ACER1: variants seen among roughly 807,000 people sequenced by gnomAD.
ACER1 encodes the protein CTB-180A7.3.
Under a neutral mutation model 24.9 loss-of-function variants are expected in ACER1, and 28 were observed. The ratio of observed to expected loss-of-function variants is 1.13; its 90% CI spans 0.83 to 1.54. The LOEUF is 1.54. Ranked by LOEUF, ACER1 falls within the 40% of genes most tolerant of loss-of-function variation. The pLI is 0.00. For missense variants in ACER1, 352 were observed against 349.3 expected (o/e 1.01, Z -0.06); for synonymous variants, 132 against 131.4 (o/e 1.00, Z -0.03).
the ACER1 span, among the ~76,000 whole-genome samples, chr19:6,342,258 C>CTTT: frequency 2.7e-5 from 3 of 112,118 alleles, no homozygotes; most frequent in African/African-American, 3.3e-5. Context: ...TATCCTAGTT[C>CTTT]TTTTTTTTTT....
chr19:6,309,736 GCAATGC>G lies in ACER1; in HGVS notation c.443_448del (p.Ser148_Ala150delinsThr), dbSNP rs752453846. On this transcript the variant is annotated inframe_deletion, in exon 4 of 6. Coordinates refer to ENST00000301452, the MANE Select transcript of ACER1 (RefSeq NM_133492.3). ...GCACACGATGTAGAGAATGTGCAGG[GCAATGC>G]TGTTGAGGGCGTAGGCGTTGACCGT... 4.3e-6 allele frequency: 7 copies of G among 1,614,102 alleles called. No individual in the cohort carries two copies. The Admixed American group carries it at 1.2e-4, about 27-fold the overall frequency.
intron 3 of ACER1, among the ~76,000 whole-genome samples, chr19:6,311,370 C>T (rs867004671): frequency 3.3e-5 from 5 of 151,636 alleles, no homozygotes; most frequent in Admixed American, 2.0e-4. Context: ...ATGGTGAAAC[C>T]GTCTCTACTA....
At chr19:6,333,318 C>G in intron 1 of ACER1, 141 bp downstream of exon 1, 1 of 599,122 alleles carries the variant, frequency 1.7e-6, no homozygotes, top group East Asian at 3.2e-5. Context: ...TGAAAGCTGG[C>G]ACTCTTTGGC....
chr19:6,347,834 A>G, the ACER1 span, among the ~76,000 whole-genome samples: 1 of 151,748 alleles, frequency 6.6e-6, no homozygotes, highest in African/African-American at 2.4e-5. Flanking sequence ...AAATCTAAAC[A>G]ACAACAACAA....
the ACER1 span, among the ~76,000 whole-genome samples, chr19:6,339,003 G>T: frequency 2.5e-4 from 38 of 151,622 alleles, no homozygotes; most frequent in Middle Eastern, 6.8e-3. Flanking sequence ...TCAGCCTCCC[G>T]ATAGCTGGGA....
the ACER1 span, among the ~76,000 whole-genome samples, chr19:6,349,043 G>A: frequency 2.6e-5 from 4 of 151,192 alleles, no homozygotes; most frequent in Admixed American, 6.6e-5. Context: ...GCAACAGAGC[G>A]AGACTCCATC....
At chr19:6,328,863 TG>T (rs983499850) in intron 1 of ACER1, among the ~76,000 whole-genome samples, 5 of 151,244 alleles carry the variant, frequency 3.3e-5, no homozygotes, top group Non-Finnish European at 7.4e-5. Flanking sequence ...TTGATAGAGA[TG>T]GGGTTTCATC....
In ACER1 at chr19:6,333,582, C is replaced by T. The variant is rs370951822; in HGVS notation, c.-31G>A. The T allele has an allele frequency of 9.1e-6, 14 of 1,542,958 alleles. No homozygotes were observed. The highest frequency in any genetic ancestry group is 1.4e-5 in the African/African-American group (1 of 73,194). ...CTCAGTGGCCACCACCAGCCGGCTG[C>T]GCCCGGCAGAGAGAAGGCGAGCTTG... On this transcript the variant is annotated 5_prime_UTR_variant, in exon 1 of 6. Transcript: ENST00000301452.
chr19:6,318,593 C>T (rs2091614809), intron 1 of ACER1, among the ~76,000 whole-genome samples: 1 of 140,106 alleles, frequency 7.1e-6, no homozygotes, highest in South Asian at 2.3e-4. Context: ...CTGGCTAACA[C>T]AGTGAAACAC....
chr19:6,331,182 G>A (rs1401201828), intron 1 of ACER1, among the ~76,000 whole-genome samples: 3 of 141,714 alleles, frequency 2.1e-5, no homozygotes, highest in Non-Finnish European at 3.0e-5. Context: ...ATGAGGTCTC[G>A]CTCTGTCACC....
At chr19:6,341,592 G>T in the ACER1 span, among the ~76,000 whole-genome samples, 3 of 149,046 alleles carry the variant, frequency 2.0e-5, no homozygotes, top group African/African-American at 7.5e-5. Flanking sequence ...TTAGCATTGG[G>T]CTTTTTTTTG....
At chr19:6,317,307 T>G (rs2145004464) in intron 1 of ACER1, among the ~76,000 whole-genome samples, 1 of 152,248 alleles carries the variant, frequency 6.6e-6, no homozygotes, top group South Asian at 2.1e-4. Flanking sequence ...CAAACTGAAC[T>G]AAGACAGGTG....
the ACER1 span, among the ~76,000 whole-genome samples, chr19:6,353,851 TAATAAAATAA>T: frequency 6.7e-6 from 1 of 150,194 alleles, no homozygotes; most frequent in Non-Finnish European, 1.5e-5. Context: ...TACAATAAAA[TAATAAAATAA>T]AATAAAATAA....
At chr19:6,312,727 G>A (rs998212881) in intron 1 of ACER1, among the ~76,000 whole-genome samples, 17 of 149,900 alleles carry the variant, frequency 1.1e-4, no homozygotes, top group Admixed American at 5.4e-4. Flanking sequence ...TCAGGCTGGA[G>A]CGCAGTGGTG....
chr19:6,317,423 T>C (rs1439068786), intron 1 of ACER1, among the ~76,000 whole-genome samples: 2 of 152,236 alleles, frequency 1.3e-5, no homozygotes, highest in Non-Finnish European at 2.9e-5. Context: ...CAAGGACAGA[T>C]GGGACAGGGG....
intron 5 of ACER1, 54 bp downstream of exon 5, chr19:6,307,099 G>A: frequency 2.5e-6 from 4 of 1,604,226 alleles, no homozygotes; most frequent in East Asian, 2.2e-5. Context: ...CCGAGCTTTG[G>A]CATCTAAGAT....
the ACER1 span, among the ~76,000 whole-genome samples, chr19:6,352,537 G>A: frequency 2.0e-5 from 3 of 152,176 alleles, no homozygotes; most frequent in African/African-American, 7.2e-5. Flanking sequence ...GAAATGATAA[G>A]CTGTGGTTGT....
At chr19:6,306,919 A>G (rs2091555226) in intron 5 of ACER1, 37 bp from the exon 6 acceptor site, 2 of 1,591,622 alleles carry the variant, frequency 1.3e-6, no homozygotes, top group Admixed American at 3.4e-5. Flanking sequence ...AGGGCACAAG[A>G]TACCCACAGC....
At chr19:6,328,558 G>T (rs1406934843) in intron 1 of ACER1, among the ~76,000 whole-genome samples, 1 of 149,044 alleles carries the variant, frequency 6.7e-6, no homozygotes, top group Non-Finnish European at 1.5e-5. Context: ...GTACAGAAAA[G>T]GTTGGCCCTG....
Sources: allele counts gnomAD v4.1 joint callset (sites outside exome capture counted in the v4.1 genomes callset), GRCh38; gene constraint gnomAD v4.1.1; transcripts MANE v1.5; gene names NCBI Gene and HGNC (gene_info 2026-07-23, HGNC 2026-07-21).